Variants in CIDEA observed in about 807,000 individuals in gnomAD.
CIDEA encodes lipid transferase CIDEA.
A neutral mutation model predicts 18.2 loss-of-function variants in CIDEA; 10 were observed. That is an observed-to-expected ratio of 0.55 (90% CI 0.34 to 0.93). The LOEUF (loss-of-function observed/expected upper bound fraction) is 0.93, where lower values mean the gene tolerates loss of function less well. Among genes scored for constraint, CIDEA ranks in the 40% least tolerant of loss-of-function variants. The pLI is 0.02. For synonymous variants in CIDEA, 128 were observed against 124.8 expected (o/e 1.03, Z -0.17); for missense variants, 309 against 293.1 (o/e 1.05, Z -0.40).
intron 1 of CIDEA, among the ~76,000 whole-genome samples, chr18:12,260,996 C>T (rs1293598538): frequency 1.3e-5 from 2 of 152,240 alleles, no homozygotes; most frequent in African/African-American, 4.8e-5. Context: ...ACAGATGCCA[C>T]TATCACGGTG....
At chr18:12,262,996 C>G (rs151082534) in intron 2 of CIDEA, 27 bp downstream of exon 2, 1 of 1,611,936 alleles carries the variant, frequency 6.2e-7, no homozygotes, top group Non-Finnish European at 8.5e-7. Context: ...ACCTCTCCCC[C>G]AGTCCACAGG....
chr18:12,258,793 C>T (rs1414047382), intron 1 of CIDEA, among the ~76,000 whole-genome samples: 1 of 152,232 alleles, frequency 6.6e-6, no homozygotes, highest in Non-Finnish European at 1.5e-5. Context: ...GGCGCTAGCT[C>T]TCACACACGA....
intron 1 of CIDEA, among the ~76,000 whole-genome samples, chr18:12,260,795 A>G (rs1279854849): frequency 6.6e-6 from 1 of 152,238 alleles, no homozygotes; most frequent in Non-Finnish European, 1.5e-5. Flanking sequence ...AAAAGCAGTG[A>G]TGTGCTCACT....
chr18:12,262,705 C>T, intron 1 of CIDEA, 120 bp from the exon 2 acceptor site: 2 of 963,128 alleles, frequency 2.1e-6, no homozygotes, highest in East Asian at 2.5e-5. Context: ...TTTAGTAATC[C>T]CAACAACTGA....
rs145988603 is a variant in CIDEA, at chr18:12,254,379, G to A, written c.-5G>A. ...GACCTCCAGGCCCGCTAGGGGATCC[G>A]CGCCATGGAGGCCGCCCGGGACTAT... On this transcript the variant is annotated 5_prime_UTR_variant, in exon 1 of 5. Transcript: ENST00000320477. The A allele has an allele frequency of 2.6e-5, 40 of 1,535,648 alleles. No individual in the cohort carries two copies. Among genetic ancestry groups the A allele is most frequent in the Non-Finnish European group, 3.0e-5 (34 of 1,142,010 alleles).
At chr18:12,258,478 G>A (rs1461080399) in intron 1 of CIDEA, among the ~76,000 whole-genome samples, 1 of 152,232 alleles carries the variant, frequency 6.6e-6, no homozygotes, top group Non-Finnish European at 1.5e-5. Flanking sequence ...TAGATGGCGT[G>A]CTGACAGGCG....
chr18:12,254,562 C>T lies in CIDEA; in HGVS notation c.38+141C>T, dbSNP rs534644550. 55 of 787,456 alleles carry T rather than the reference C, an allele frequency of 7.0e-5. 1 individual carries two copies. The African/African-American group carries it at 8.3e-4, about 12-fold the overall frequency. 48.8% of individuals were successfully genotyped at this position (787,456 alleles called of 1,614,324 possible). On this transcript the variant is annotated intron_variant, in intron 1 of 4. Transcript: ENST00000320477. ...CCCCGCATTCTCTTGCGCTCCGCGA[C>T]CCCGCGCACACACCCATCCGCCCCA...
intron 1 of CIDEA, among the ~76,000 whole-genome samples, chr18:12,257,781 A>T (rs1912078389): frequency 1.3e-5 from 2 of 152,100 alleles, no homozygotes; most frequent in African/African-American, 2.4e-5. Flanking sequence ...TAGGAGCGGC[A>T]GTTCTCATGT....
At chr18:12,257,791 T>G (rs1055752491) in intron 1 of CIDEA, among the ~76,000 whole-genome samples, 1 of 152,036 alleles carries the variant, frequency 6.6e-6, no homozygotes, top group African/African-American at 2.4e-5. Flanking sequence ...AGTTCTCATG[T>G]GTGGTGTGTC....
chr18:12,268,230 A>ATTTTTTTTTT (rs1285349657), intron 3 of CIDEA, among the ~76,000 whole-genome samples: 1 of 114,642 alleles, frequency 8.7e-6, no homozygotes, highest in Non-Finnish European at 1.7e-5. Context: ...ATGCCCGGCC[A>ATTTTTTTTTT]TTTTTTTTTT....
In CIDEA at chr18:12,277,465, G is replaced by A; in HGVS notation, c.*195G>A. 1.6e-6 allele frequency: 1 copy of A among 632,138 alleles called. No homozygotes were observed. Among genetic ancestry groups the A allele is most frequent in the Non-Finnish European group, 2.7e-6 (1 of 374,466 alleles). The allele number at this position is 632,138 out of a possible 1,614,324, so 39.2% of individuals were successfully genotyped here. ...GGGCAGTGGGCAGGGTGCCCTGGGG[G>A]GGAGGCATAGAGGGCCCTGGGGGTC... On this transcript the variant is annotated 3_prime_UTR_variant, in exon 5 of 5. Transcript: ENST00000320477.
chr18:12,273,778 T>TC (rs1264204964), intron 3 of CIDEA, among the ~76,000 whole-genome samples: 1 of 152,028 alleles, frequency 6.6e-6, no homozygotes, highest in Admixed American at 6.6e-5. Flanking sequence ...GGCGAGTGGG[T>TC]CCCCACCACT....
rs762536783 is a variant in CIDEA, at chr18:12,277,128, T to C, written c.518T>C (p.Leu173Pro). The change falls in exon 5 of 5, where the codon CTG becomes CCG. Residue 173 changes from leucine to proline, a missense_variant. By Grantham distance (98) the Leu-to-Pro change is moderately conservative (BLOSUM62 -3). Coordinates refer to ENST00000320477, the MANE Select transcript of CIDEA (RefSeq NM_001279.4). The part of the protein sequence containing the change: ...CTGLKGLLRS[L>P]LRFLSYSAQV... ...CCCATCTGCCTCTGCCACAGGAGTC[T>C]GCTGCGGTTCCTGTCCTACTCCGCC... 9 of 1,614,134 alleles carry C rather than the reference T, an allele frequency of 5.6e-6. No homozygotes were observed. The highest frequency in any genetic ancestry group is 1.7e-4 in the Middle Eastern group (1 of 6,046).
chr18:12,263,024 C>T (rs1912243437), intron 2 of CIDEA, 55 bp downstream of exon 2: 1 of 1,584,568 alleles, frequency 6.3e-7, no homozygotes, highest in Non-Finnish European at 8.6e-7. Flanking sequence ...TGCACTCACA[C>T]AGGGCCATGG....
chr18:12,266,794 T>G (rs1912362037), intron 3 of CIDEA, among the ~76,000 whole-genome samples: 1 of 149,532 alleles, frequency 6.7e-6, no homozygotes, highest in Admixed American at 6.8e-5. Context: ...AGAGTCTCAC[T>G]CTGTTGCCCA....
intron 3 of CIDEA, among the ~76,000 whole-genome samples, chr18:12,270,894 CTTTTTTTTTTTTT>C (rs771335202): frequency 1.7e-5 from 1 of 60,000 alleles, no homozygotes; most frequent in African/African-American, 6.8e-5. Context: ...TTTTTCTTTT[CTTTTTTTTTTTTT>C]TTTTTTTTTT....
intron 3 of CIDEA, among the ~76,000 whole-genome samples, chr18:12,271,454 GC>G (rs2144082744): frequency 6.6e-6 from 1 of 151,780 alleles, no homozygotes; most frequent in African/African-American, 2.4e-5. Context: ...CCCCACGGCG[GC>G]CCTGCGCCCT....
rs769060286 is a variant in CIDEA, at chr18:12,264,338, T to C, written c.215T>C (p.Leu72Pro). 1 of 1,613,792 alleles carries C rather than the reference T, an allele frequency of 6.2e-7. No homozygotes were observed. Among genetic ancestry groups the C allele is most frequent in the Admixed American group, 1.7e-5 (1 of 59,956 alleles). Residue 72 changes from leucine to proline, a missense_variant, in exon 3 of 5, where the codon CTG becomes CCG. Leu to Pro is a moderately conservative substitution (Grantham distance 98). Coordinates refer to ENST00000320477, the MANE Select transcript of CIDEA (RefSeq NM_001279.4). ...TLDALVIATG[L>P]VTLVLEEDGT... ...GATGCCCTCGTCATCGCTACCGGAC[T>C]GGTCACTCTGGTGCTGGAGGAAGAT...
chr18:12,259,650 A>G (rs1374773274), intron 1 of CIDEA, among the ~76,000 whole-genome samples: 5 of 152,236 alleles, frequency 3.3e-5, no homozygotes, highest in East Asian at 1.9e-4. Context: ...TCACGAGGTC[A>G]GGAGTTGGAG....
Sources: gnomAD v4.1 joint callset for allele counts (sites outside exome capture counted in the v4.1 genomes callset) on GRCh38, gnomAD v4.1.1 for gene constraint, MANE v1.5 for transcripts, NCBI Gene and HGNC (gene_info 2026-07-23, HGNC 2026-07-21) for gene names.